Variants in TAF10 observed in about 807,000 individuals in gnomAD.
TAF10 encodes transcription initiation factor TFIID subunit 10.
In TAF10, 2 loss-of-function variants were observed where a neutral mutation model predicts 18.1. The ratio of observed to expected loss-of-function variants is 0.11; its 90% CI spans 0.05 to 0.35. The LOEUF (loss-of-function observed/expected upper bound fraction) is 0.35, where lower values mean the gene tolerates loss of function less well. TAF10 is among the 10% of genes least tolerant of loss of function. TAF10 has a pLI of 1.00. For missense variants in TAF10, 293 were observed against 306.9 expected (o/e 0.95, Z 0.34); for synonymous variants, 158 against 134.6 (o/e 1.17, Z -1.20).
At position 6,608,820 on chromosome 11, in the gene TAF10, C is replaced by G. The variant is rs981135769; in HGVS notation, c.*2102G>C. ...ATCTCCCCATCCCCTAGCTTGTGTC[C>G]TCTCGTCCCTTCCCACCTGTCTTCT... On this transcript the variant is annotated 3_prime_UTR_variant, in exon 5 of 5. Transcript: ENST00000299424. This position sits in a 1 kb window ranked among gnomAD's most constrained non-coding sequence, Gnocchi z 4.9. 2 of 1,612,282 alleles carry G rather than the reference C, an allele frequency of 1.2e-6. No individual in the cohort carries two copies. The highest frequency in any genetic ancestry group is 1.7e-6 in the Non-Finnish European group (2 of 1,178,324).
At position 6,608,034 on chromosome 11, in the gene TAF10, CCT is replaced by C; in HGVS notation, c.*2886_*2887del. 6.2e-7 allele frequency: 1 copy of C among 1,613,690 alleles called. No homozygotes were observed. Among genetic ancestry groups the C allele is most frequent in the Non-Finnish European group, 8.5e-7 (1 of 1,179,930 alleles). ...CACCTCCAGCTCAATGACCATTGCC[CCT>C]TCCTCAAAGGGACGATCATGGCTTC... On this transcript the variant is annotated 3_prime_UTR_variant, in exon 5 of 5. Coordinates refer to ENST00000299424, the MANE Select transcript of TAF10 (RefSeq NM_006284.4). This position sits in a 1 kb window ranked among gnomAD's most constrained non-coding sequence, Gnocchi z 4.9.
chr11:6,610,754 A>G lies in TAF10; in HGVS notation c.*168T>C. The G allele has an allele frequency of 3.0e-6, 4 of 1,330,038 alleles. No individual in the cohort carries two copies. The highest frequency in any genetic ancestry group is 4.3e-6 in the Non-Finnish European group (4 of 937,318). The allele number at this position is 1,330,038 out of a possible 1,614,324, so 82.4% of individuals were successfully genotyped here. ...GCCATGGGGTCCATCCCCTTCCCCC[A>G]TCCCTACCACTGTGGCCCCAAGAGG... is the stretch of plus-strand genomic sequence containing the variant. On this transcript the variant is annotated 3_prime_UTR_variant, in exon 5 of 5. Transcript: ENST00000299424.
chr11:6,607,652 T>G lies in TAF10; in HGVS notation c.*3270A>C, dbSNP rs1254500759. 6.5e-6 allele frequency: 2 copies of G among 308,604 alleles called. No homozygotes were observed. The highest frequency in any genetic ancestry group is 1.3e-5 in the Non-Finnish European group (2 of 158,290). The allele number at this position is 308,604 out of a possible 1,614,324, so 19.1% of individuals were successfully genotyped here. On this transcript the variant is annotated 3_prime_UTR_variant, in exon 5 of 5. Coordinates refer to ENST00000299424, the MANE Select transcript of TAF10 (RefSeq NM_006284.4). ...CTTAAAGGTCTAACAGACAAGACAG[T>G]CCATTAACAGATTTTTACAATCCAG...
rs1855067709 is a variant in TAF10, at chr11:6,607,701, G to A, written c.*3221C>T. On this transcript the variant is annotated 3_prime_UTR_variant, in exon 5 of 5. Transcript: ENST00000299424. ...AGTGCAACAAGTGCTGAAGTAGGGG[G>A]ACATATAAGATGTGGTGGAAAACAG... The A allele has an allele frequency of 8.5e-6, 3 of 353,524 alleles. No individual in the cohort carries two copies. In the Admixed American group the frequency reaches 1.3e-4, roughly 15 times the overall value. 21.9% of individuals were successfully genotyped at this position (353,524 alleles called of 1,614,324 possible). A position where few individuals can be genotyped will look rare whatever the true frequency, so the allele number is the denominator to read the frequency against.
In TAF10 at chr11:6,608,527, A is replaced by G; in HGVS notation, c.*2395T>C. On this transcript the variant is annotated 3_prime_UTR_variant, in exon 5 of 5. Transcript: ENST00000299424. The surrounding 1 kb of genome is among the most constrained non-coding windows in gnomAD (Gnocchi z 4.9). ...CCCTTAATTCCTGAGATGGGTAGGA[A>G]GTAAAGTCTGAGCCTTGGTGGGAGA... The G allele has an allele frequency of 6.4e-7, 1 of 1,552,204 alleles. No individual in the cohort carries two copies. The highest frequency in any genetic ancestry group is 1.4e-5 in the African/African-American group (1 of 73,730).
chr11:6,610,061 G>GTTT lies in TAF10; in HGVS notation c.*860_*861insAAA, dbSNP rs1564849488. The stretch of plus-strand genomic sequence containing the variant: ...GTGAGTGAAGTCATCATGTCGGGAG[G>GTTT]TAAAAAAGGACCACCTCAGAAGTAG... On this transcript the variant is annotated 3_prime_UTR_variant, in exon 5 of 5. Coordinates refer to ENST00000299424, the MANE Select transcript of TAF10 (RefSeq NM_006284.4). 1.2e-6 allele frequency: 2 copies of GTTT among 1,614,094 alleles called. No individual in the cohort carries two copies. The highest frequency in any genetic ancestry group is 2.7e-5 in the African/African-American group (2 of 75,038).
chr11:6,610,055 C>T lies in TAF10; in HGVS notation c.*867G>A, dbSNP rs945943350. ...CCGAAGGTGAGTGAAGTCATCATGT[C>T]GGGAGGTAAAAAAGGACCACCTCAG... On this transcript the variant is annotated 3_prime_UTR_variant, in exon 5 of 5. Coordinates refer to ENST00000299424, the MANE Select transcript of TAF10 (RefSeq NM_006284.4). 8.7e-6 allele frequency: 14 copies of T among 1,613,954 alleles called. No homozygotes were observed. The highest frequency in any genetic ancestry group is 1.3e-5 in the African/African-American group (1 of 75,018).
At position 6,607,677 on chromosome 11, in the gene TAF10, G is replaced by T; in HGVS notation, c.*3245C>A. 1 of 330,488 alleles carries T rather than the reference G, an allele frequency of 3.0e-6. No individual in the cohort carries two copies. The highest frequency in any genetic ancestry group is 5.9e-6 in the Non-Finnish European group (1 of 170,560). 20.5% of individuals were successfully genotyped at this position (330,488 alleles called of 1,614,324 possible). A position where few individuals can be genotyped will look rare whatever the true frequency, so the allele number is the denominator to read the frequency against. On this transcript the variant is annotated 3_prime_UTR_variant, in exon 5 of 5. Coordinates refer to ENST00000299424, the MANE Select transcript of TAF10 (RefSeq NM_006284.4). Reference sequence around the variant, plus strand: ...TCCATTAACAGATTTTTACAATCCAGTGCAACAAGTGCTGAAGTAGGGGGA... The same window carrying T: ...TCCATTAACAGATTTTTACAATCCATTGCAACAAGTGCTGAAGTAGGGGGA...
In TAF10 at chr11:6,611,671, G is replaced by C. The variant is rs767511440; in HGVS notation, c.380C>G (p.Thr127Arg). 1.9e-6 allele frequency: 3 copies of C among 1,590,610 alleles called. No individual in the cohort carries two copies. Among genetic ancestry groups the C allele is most frequent in the Non-Finnish European group, 2.6e-6 (3 of 1,167,646 alleles). The change falls in exon 2 of 5, where the codon ACG becomes AGG. Residue 127 changes from threonine to arginine, a missense_variant. Coordinates refer to ENST00000299424, the MANE Select transcript of TAF10 (RefSeq NM_006284.4). ...VDFLMQLEDY[T>R]PTIPDAVTGY... is the part of the protein sequence containing the mutation. ...GTTCGGGCGGAAGCCCACCGTAGGC[G>C]TGTAATCTTCCAGCTGCATCAAGAA...
Position 6,610,358 on chromosome 11 carries a change from C to T in TAF10, c.*564G>A. 1 of 1,612,768 alleles carries T rather than the reference C, an allele frequency of 6.2e-7. No individual in the cohort carries two copies. Among genetic ancestry groups the T allele is most frequent in the Non-Finnish European group, 8.5e-7 (1 of 1,178,990 alleles). ...ATAACTGTAGTGGGCCTTGGCTCCT[C>T]ACATATTTGTTCGGATATACAGTAA... On this transcript the variant is annotated 3_prime_UTR_variant, in exon 5 of 5. Transcript: ENST00000299424.
In TAF10 at chr11:6,607,449, T is replaced by G. The variant is rs1480014313; in HGVS notation, c.*3473A>C. 1.2e-5 allele frequency: 2 copies of G among 160,236 alleles called. No individual in the cohort carries two copies. Among genetic ancestry groups the G allele is most frequent in the African/African-American group, 4.8e-5 (2 of 41,494 alleles). 9.9% of individuals were successfully genotyped at this position (160,236 alleles called of 1,614,324 possible). ...TCAAAAGCATTTCTCCTTTTCAACA[T>G]AAACCCTTCCAAAACATCATTTAAA... On this transcript the variant is annotated 3_prime_UTR_variant, in exon 5 of 5. Coordinates refer to ENST00000299424, the MANE Select transcript of TAF10 (RefSeq NM_006284.4).
Position 6,608,420 on chromosome 11 carries a change from T to C in TAF10, c.*2502A>G, listed in dbSNP as rs143552228. 195 of 1,614,230 alleles carry C rather than the reference T, an allele frequency of 1.2e-4. No individual in the cohort carries two copies. In the African/African-American group the frequency reaches 2.4e-3, roughly 20 times the overall value. On this transcript the variant is annotated 3_prime_UTR_variant, in exon 5 of 5. Transcript: ENST00000299424. This position sits in a 1 kb window ranked among gnomAD's most constrained non-coding sequence, Gnocchi z 4.9. ...TATTGCAGTACAAGGCAGACATCAATGCAGTGAATGAACACGGGAATGTGC... is the reference window on the plus strand; with the variant it reads ...TATTGCAGTACAAGGCAGACATCAACGCAGTGAATGAACACGGGAATGTGC...
At position 6,610,108 on chromosome 11, in the gene TAF10, C is replaced by T. The variant is rs1855351915; in HGVS notation, c.*814G>A. ...GTAGTGGAAGGGGGCAGAGACAGGACAGGCAAGGGGGCCAGAACAGACAAG... is the reference window on the plus strand; with the variant it reads ...GTAGTGGAAGGGGGCAGAGACAGGATAGGCAAGGGGGCCAGAACAGACAAG... On this transcript the variant is annotated 3_prime_UTR_variant, in exon 5 of 5. Transcript: ENST00000299424. 1 of 1,614,042 alleles carries T rather than the reference C, an allele frequency of 6.2e-7. No individual in the cohort carries two copies. The highest frequency in any genetic ancestry group is 8.5e-7 in the Non-Finnish European group (1 of 1,179,956).
chr11:6,608,430 G>C lies in TAF10; in HGVS notation c.*2492C>G. On this transcript the variant is annotated 3_prime_UTR_variant, in exon 5 of 5. Coordinates refer to ENST00000299424, the MANE Select transcript of TAF10 (RefSeq NM_006284.4). This position sits in a 1 kb window ranked among gnomAD's most constrained non-coding sequence, Gnocchi z 4.9. ...CAAGGCAGACATCAATGCAGTGAAT[G>C]AACACGGGAATGTGCCCCTGCACTA... The C allele has an allele frequency of 6.2e-7, 1 of 1,614,220 alleles. No homozygotes were observed. The highest frequency in any genetic ancestry group is 8.5e-7 in the Non-Finnish European group (1 of 1,180,022).
In TAF10 at chr11:6,609,603, T is replaced by A. The variant is rs1855297038; in HGVS notation, c.*1319A>T. On this transcript the variant is annotated 3_prime_UTR_variant, in exon 5 of 5. Transcript: ENST00000299424. ...TACTCTCATCACACACTGGATGCCG[T>A]ATGGATCCCTCTACAATGTACTACA... is the stretch of plus-strand genomic sequence containing the variant. 1 of 1,613,926 alleles carries A rather than the reference T, an allele frequency of 6.2e-7. No individual in the cohort carries two copies. Among genetic ancestry groups the A allele is most frequent in the Admixed American group, 1.7e-5 (1 of 60,000 alleles).
At chr11:6,611,633 G>A (rs1855464014) in intron 2 of TAF10, 31 bp downstream of exon 2, 2 of 1,577,988 alleles carry the variant, frequency 1.3e-6, no homozygotes, top group Non-Finnish European at 1.7e-6. Flanking sequence ...TTGACAGCAG[G>A]CTAGGTGGCC....
At position 6,608,924 on chromosome 11, in the gene TAF10, A is replaced by C. The variant is rs780463048; in HGVS notation, c.*1998T>G. 2.5e-6 allele frequency: 4 copies of C among 1,614,190 alleles called. No homozygotes were observed. Among genetic ancestry groups the C allele is most frequent in the Admixed American group, 1.7e-5 (1 of 60,020 alleles). On this transcript the variant is annotated 3_prime_UTR_variant, in exon 5 of 5. Transcript: ENST00000299424. This position sits in a 1 kb window ranked among gnomAD's most constrained non-coding sequence, Gnocchi z 4.9. ...TGGGCCAGAATCTCAACCGTATTCC[A>C]TACAAGGACACATTCTGGAAGGGGA...
Position 6,607,261 on chromosome 11 carries a change from ATACTT to A in TAF10, c.*3656_*3660del, listed in dbSNP as rs578155613. On this transcript the variant is annotated 3_prime_UTR_variant, in exon 5 of 5. Coordinates refer to ENST00000299424, the MANE Select transcript of TAF10 (RefSeq NM_006284.4). The stretch of plus-strand genomic sequence containing the variant: ...AAACCAATTGTTTTGTTTTGTTTGT[ATACTT>A]TACTTTATAAAATACATATTTCTTG... The A allele has an allele frequency of 1.9e-3, 286 of 152,314 alleles. No individual in the cohort carries two copies. Among genetic ancestry groups the A allele is most frequent in the African/African-American group, 6.7e-3 (278 of 41,550 alleles). The allele number at this position is 152,314 out of a possible 1,614,324, so 9.4% of individuals were successfully genotyped here.
Position 6,610,358 on chromosome 11 carries a change from C to G in TAF10, c.*564G>C, listed in dbSNP as rs1201283251. ...ATAACTGTAGTGGGCCTTGGCTCCT[C>G]ACATATTTGTTCGGATATACAGTAA... On this transcript the variant is annotated 3_prime_UTR_variant, in exon 5 of 5. Coordinates refer to ENST00000299424, the MANE Select transcript of TAF10 (RefSeq NM_006284.4). 1.2e-6 allele frequency: 2 copies of G among 1,612,768 alleles called. No individual in the cohort carries two copies. The highest frequency in any genetic ancestry group is 3.3e-5 in the Admixed American group (2 of 60,022).
Sources: gnomAD v4.1 joint callset for allele counts on GRCh38, gnomAD v4.1.1 for gene constraint, Gnocchi (gnomAD v3.1) non-coding constraint, MANE v1.5 for transcripts, NCBI Gene and HGNC (gene_info 2026-07-23, HGNC 2026-07-21) for gene names.